The following TCF12 variants were observed in gnomAD, a reference collection of about 807,000 sequenced individuals.
TCF12 encodes DNA-binding protein HTF4.
A neutral mutation model predicts 86.0 loss-of-function variants in TCF12; 45 were observed. The observed-to-expected ratio is 0.52, with a 90% CI of 0.41 to 0.67. TCF12 has a LOEUF of 0.67. TCF12 is among the 30% of genes least tolerant of loss of function. The probability of loss-of-function intolerance (pLI) is 0.00; values close to 1 mark genes in which losing one functional copy is unlikely to be tolerated. For synonymous variants in TCF12, 330 were observed against 299.6 expected, an observed-to-expected ratio of 1.10 and a Z score of -1.05; for missense variants, 881 against 859.9, an observed-to-expected ratio of 1.02 and a Z score of -0.31.
intron 8 of TCF12, among the ~76,000 whole-genome samples, chr15:57,209,295 G>T (rs1358328164): frequency 1.3e-5 from 2 of 152,048 alleles, no homozygotes. Flanking sequence ...TTAATTCCTA[G>T]TTACCAAAAT....
At chr15:57,100,628 T>C (rs528266010) in intron 5 of TCF12, among the ~76,000 whole-genome samples, 3 of 152,244 alleles carry the variant, frequency 2.0e-5, no homozygotes, top group Non-Finnish European at 4.4e-5. Flanking sequence ...GAATGTTTTA[T>C]TTAAAATAAA....
chr15:57,157,476 T>C (rs1300964078), intron 5 of TCF12, among the ~76,000 whole-genome samples: 5 of 152,096 alleles, frequency 3.3e-5, no homozygotes, highest in Non-Finnish European at 7.4e-5. Context: ...AAGGACAATT[T>C]AGAATATACA....
At chr15:57,290,016 G>GC (rs2062049231), downstream of TCF12, among the ~76,000 whole-genome samples, 1 of 126,002 alleles carries the variant, frequency 7.9e-6, no homozygotes, top group South Asian at 2.6e-4. Context: ...ATTTTAAGAG[G>GC]ATTTTTTTTT....
At position 57,245,359 on chromosome 15, in the gene TCF12, G is replaced by A. The variant is rs141736990; in HGVS notation, c.1114+1809G>A. Among the ~76,000 whole-genome samples the A allele has an allele frequency of 1.6e-4, 24 of 152,354 alleles. 1 individual carries two copies. The East Asian group carries it at 4.4e-3, about 28-fold the overall frequency. On this transcript the variant is annotated intron_variant, in intron 13 of 20. Transcript: ENST00000333725. ...TAGACAAGACTATGAAAGACCCATT[G>A]ACTTAAAGATGTTGTTTAGCAGAGC...
intron 8 of TCF12, among the ~76,000 whole-genome samples, chr15:57,222,087 A>G (rs1316285602): frequency 1.3e-5 from 2 of 152,048 alleles, no homozygotes; most frequent in Non-Finnish European, 2.9e-5. Context: ...TTAAAATGAT[A>G]GAACAAAATA....
chr15:57,233,340 T>C (rs1018580142), intron 11 of TCF12, among the ~76,000 whole-genome samples: 3 of 151,638 alleles, frequency 2.0e-5, no homozygotes, highest in Non-Finnish European at 1.5e-5. Context: ...CATACTCAGC[T>C]AATTTTTTTT....
intron 3 of TCF12, among the ~76,000 whole-genome samples, chr15:57,054,901 CT>C (rs1347611882): frequency 1.4e-5 from 2 of 146,956 alleles, no homozygotes; most frequent in African/African-American, 5.0e-5. Flanking sequence ...AACTCTTGAC[CT>C]TATTATAGGT....
intron 3 of TCF12, among the ~76,000 whole-genome samples, chr15:57,045,165 A>G (rs1368267574): frequency 6.6e-6 from 1 of 152,226 alleles, no homozygotes; most frequent in African/African-American, 2.4e-5. Context: ...TCCATGTGAG[A>G]TGTGTTCCAG....
chr15:57,132,351 G>C (rs1419488298), intron 5 of TCF12, among the ~76,000 whole-genome samples: 1 of 152,038 alleles, frequency 6.6e-6, no homozygotes, highest in Non-Finnish European at 1.5e-5. Flanking sequence ...AAATACTTAT[G>C]TATCCAGCAT....
At position 57,023,825 on chromosome 15, in the gene TCF12, T is replaced by C. The variant is rs186610709; in HGVS notation, c.149-39925T>C. On this transcript the variant is annotated intron_variant, in intron 3 of 20. Transcript: ENST00000333725. ...GGAACTGGTTTTGTGGAAGACACTT[T>C]TCTGTGGATGGTGAGGGTTGTAGGG... 1.8e-4 allele frequency among the ~76,000 whole-genome samples: 27 copies of C among 152,344 alleles called. 1 individual carries two copies. The highest frequency in any genetic ancestry group is 1.2e-3 in the Admixed American group (19 of 15,308).
At chr15:57,264,074 A>G (rs1245124590) in intron 18 of TCF12, among the ~76,000 whole-genome samples, 1 of 151,642 alleles carries the variant, frequency 6.6e-6, no homozygotes, top group Non-Finnish European at 1.5e-5. Context: ...AGCTTACTGT[A>G]TGTCATTTAC....
chr15:57,117,533 T>G (rs1408278190), intron 5 of TCF12, among the ~76,000 whole-genome samples: 2 of 152,228 alleles, frequency 1.3e-5, no homozygotes, highest in African/African-American at 2.4e-5. Context: ...TTCCTACAAG[T>G]ATGATCTGGG....
chr15:57,228,417 A>AT (rs1172165216), intron 8 of TCF12, among the ~76,000 whole-genome samples: 40 of 151,434 alleles, frequency 2.6e-4, no homozygotes, highest in South Asian at 6.3e-4. Flanking sequence ...ATATAGTAGG[A>AT]TTTTTTTTTG....
chr15:57,044,274 T>C (rs2067082918), intron 3 of TCF12, among the ~76,000 whole-genome samples: 1 of 152,066 alleles, frequency 6.6e-6, no homozygotes, highest in Non-Finnish European at 1.5e-5. Flanking sequence ...TGTTTAAGAA[T>C]TTACCAGCCG....
chr15:57,132,663 G>A (rs1167941559), intron 5 of TCF12, among the ~76,000 whole-genome samples: 1 of 152,080 alleles, frequency 6.6e-6, no homozygotes, highest in African/African-American at 2.4e-5. Context: ...GAGTTTGCTG[G>A]TTTGCTTTTT....
At chr15:57,256,594 T>C (rs1943221110) in intron 16 of TCF12, among the ~76,000 whole-genome samples, 1 of 124,052 alleles carries the variant, frequency 8.1e-6, no homozygotes, top group African/African-American at 3.1e-5. Flanking sequence ...CTCTTATAAC[T>C]TTCCAGAAGT....
rs143626916 is a variant in TCF12 at position 57,075,835 on chromosome 15, T to TTTTCTTTCTTTCTTTC, written c.222+12025_222+12040dup. Among the ~76,000 whole-genome samples, 105 of 50,020 alleles carry TTTTCTTTCTTTCTTTC rather than the reference T, an allele frequency of 2.1e-3. 11 individuals are homozygous for TTTTCTTTCTTTCTTTC. The highest frequency in any genetic ancestry group is 0.02 in the Middle Eastern group (2 of 98). The allele number at this position is 50,020 out of a possible 152,430, so 32.8% of individuals were successfully genotyped here. A position where few individuals can be genotyped will look rare whatever the true frequency, so the allele number is the denominator to read the frequency against. ...CTCTCTCTCTCTCTCTCTCTCTCTC[T>TTTTCTTTCTTTCTTTC]TTTCTTTCTTTCTTTCTTTCTTTCT... On this transcript the variant is annotated intron_variant, in intron 4 of 20. Coordinates refer to ENST00000333725, the MANE Select transcript of TCF12 (RefSeq NM_207037.2).
intron 3 of TCF12, among the ~76,000 whole-genome samples, chr15:56,925,240 G>GCCCCCCCCCCCC (rs11465192): frequency 2.2e-5 from 3 of 136,256 alleles, no homozygotes; most frequent in Admixed American, 7.5e-5. Flanking sequence ...GGTGTCCACC[G>GCCCCCCCCCCCC]CCCCCCCACC....
intron 7 of TCF12, among the ~76,000 whole-genome samples, chr15:57,195,975 G>C (rs1423971145): frequency 1.3e-5 from 2 of 152,200 alleles, no homozygotes; most frequent in African/African-American, 4.8e-5. Flanking sequence ...CTGCACTCCA[G>C]CCTGGCCAAC....
Sources: allele counts gnomAD v4.1 joint callset (sites outside exome capture counted in the v4.1 genomes callset), GRCh38; gene constraint gnomAD v4.1.1; transcripts MANE v1.5; gene names NCBI Gene and HGNC (gene_info 2026-07-23, HGNC 2026-07-21).